Variants in CORO7 observed in about 807,000 individuals in gnomAD.
CORO7 encodes the protein coronin 7.
Under a neutral mutation model 126.6 loss-of-function variants are expected in CORO7, and 107 were observed. The observed-to-expected ratio is 0.85, with a 90% CI of 0.72 to 0.99. The LOEUF (loss-of-function observed/expected upper bound fraction) is 0.99. Among genes scored for constraint, CORO7 ranks in the 50% least tolerant of loss-of-function variants. CORO7 has a pLI of 0.00. For missense variants in CORO7, 1,314 were observed against 1,255.8 expected (o/e 1.05, Z -0.70); for synonymous variants, 603 against 536.8 (o/e 1.12, Z -1.70).
chr16:4,409,621 G>A (rs891506535), intron 3 of CORO7, among the ~76,000 whole-genome samples: 2 of 152,332 alleles, frequency 1.3e-5, no homozygotes, highest in African/African-American at 4.8e-5. Context: ...CAAGTCACGC[G>A]GCTAAGAGAC....
chr16:4,368,926 T>C (rs2054432281), intron 9 of CORO7, among the ~76,000 whole-genome samples: 1 of 152,024 alleles, frequency 6.6e-6, no homozygotes, highest in African/African-American at 2.4e-5. Context: ...TGAGGGCAAG[T>C]AGGATAGGCA....
intron 6 of CORO7, among the ~76,000 whole-genome samples, chr16:4,403,362 C>T (rs886777360): frequency 5.3e-5 from 8 of 152,154 alleles, no homozygotes; most frequent in African/African-American, 1.9e-4. Flanking sequence ...AAGGTGGCAG[C>T]CGACCCAGGG....
intron 9 of CORO7, among the ~76,000 whole-genome samples, chr16:4,366,208 C>T (rs1445833954): frequency 1.3e-5 from 2 of 152,216 alleles, no homozygotes; most frequent in Non-Finnish European, 2.9e-5. Context: ...CTGCCCCGGC[C>T]GAGCCTGCCA....
intron 9 of CORO7, chr16:4,381,141 C>G: frequency 1.9e-6 from 3 of 1,610,326 alleles, no homozygotes; most frequent in Non-Finnish European, 2.5e-6. Context: ...AGAACCAGAT[C>G]GCCAGCCTGC....
chr16:4,376,531 G>C (rs1263888169), intron 9 of CORO7, among the ~76,000 whole-genome samples: 1 of 152,172 alleles, frequency 6.6e-6, no homozygotes, highest in East Asian at 1.9e-4. Context: ...TACTCAGCAG[G>C]CACACCGCCT....
At chr16:4,369,798 T>C (rs1218362333) in intron 9 of CORO7, among the ~76,000 whole-genome samples, 1 of 152,086 alleles carries the variant, frequency 6.6e-6, no homozygotes, top group Non-Finnish European at 1.5e-5. Context: ...CTTGGATCTG[T>C]CCCTATCACC....
rs1328074033 is a variant in CORO7 at position 4,360,964 on chromosome 16, C to T, written c.1896G>A (p.Lys632=). ...CTACCTGGTCTTGGTGGCCCTGCAGCTTCAGCCGATCAGCTCCAGCCTGAA... is the reference window on the plus strand; with the variant it reads ...CTACCTGGTCTTGGTGGCCCTGCAGTTTCAGCCGATCAGCTCCAGCCTGAA... ...WDLQAGADRL[K]LQGHQDQIFS... Residue 632 remains lysine (K), a synonymous_variant, in exon 19 of 28, where the codon AAG becomes AAA. Coordinates refer to ENST00000251166, the MANE Select transcript of CORO7 (RefSeq NM_024535.5). 1.2e-6 allele frequency: 2 copies of T among 1,612,184 alleles called. No homozygotes were observed. The highest frequency in any genetic ancestry group is 1.3e-5 in the African/African-American group (1 of 75,054).
In CORO7 at chr16:4,359,621, G is replaced by C; in HGVS notation, c.2109C>G (p.Ser703Arg). The C allele has an allele frequency of 6.3e-7, 1 of 1,593,108 alleles. No homozygotes were observed. The change falls in exon 22 of 28, where the codon AGC becomes AGG. Residue 703 changes from serine (S) to arginine (R), a missense_variant and splice_region_variant. Transcript: ENST00000251166. ...GRCLLVSGFD[S>R]QSERQLLLYE... ...ATAGGAGCAGCTGGCGCTCACTTTG[G>C]CTGCAAGGGGGTTTGGGGGCTGAAG...
chr16:4,379,784 T>G (rs2054883009), intron 9 of CORO7, among the ~76,000 whole-genome samples: 1 of 150,968 alleles, frequency 6.6e-6, no homozygotes, highest in Non-Finnish European at 1.5e-5. Flanking sequence ...GGCTCATGCC[T>G]GTAATCCCAG....
At chr16:4,416,337 C>A (rs2056411067) in intron 1 of CORO7, 122 bp downstream of exon 1, 4 of 1,317,494 alleles carry the variant, frequency 3.0e-6, no homozygotes, top group East Asian at 6.2e-5. Context: ...GGGGGTTCCC[C>A]GGGGATGGAG....
At chr16:4,397,462 A>AG (rs1364347831) in intron 6 of CORO7, 3 of 151,880 alleles carry the variant, frequency 2.0e-5, no homozygotes, top group Non-Finnish European at 4.4e-5. Context: ...TAAAAAAAAA[A>AG]CAAAAAAGCT....
chr16:4,397,704 C>G lies in CORO7; in HGVS notation c.565-2365G>C, dbSNP rs145684054. Among the ~76,000 whole-genome samples, 1,141 of 152,150 alleles carry G rather than the reference C, an allele frequency of 7.5e-3. 3 individuals are homozygous for G. The highest frequency in any genetic ancestry group is 0.01 in the Non-Finnish European group (702 of 67,994). On this transcript the variant is annotated intron_variant, in intron 6 of 27. Transcript: ENST00000251166. Reference sequence around the variant, plus strand: ...TCTCGGCTCACTGCAACCTCTGCCTCCCGGGTTCAAGCGATTCTCCTGCCT... The same window carrying G: ...TCTCGGCTCACTGCAACCTCTGCCTGCCGGGTTCAAGCGATTCTCCTGCCT...
In CORO7 at chr16:4,356,962, C is replaced by T. The variant is rs912476520; in HGVS notation, c.2685+206G>A. The T allele has an allele frequency of 8.7e-6, 6 of 687,632 alleles. No homozygotes were observed. The African/African-American group carries it at 1.1e-4, about 12-fold the overall frequency. 42.6% of individuals were successfully genotyped at this position (687,632 alleles called of 1,614,324 possible). ...TAGGCTGGGTTTGGCCTGGCCAGGG[C>T]AGGGCTCCCACTGCCCTCCCCCACT... On this transcript the variant is annotated intron_variant, in intron 26 of 27. Transcript: ENST00000251166.
chr16:4,379,156 G>T (rs749191799), intron 9 of CORO7, among the ~76,000 whole-genome samples: 3 of 152,126 alleles, frequency 2.0e-5, no homozygotes, highest in Non-Finnish European at 2.9e-5. Context: ...CTGGGTCGGG[G>T]TCGTGTTCCC....
At chr16:4,412,032 C>T (rs185163134) in intron 3 of CORO7, among the ~76,000 whole-genome samples, 5 of 152,022 alleles carry the variant, frequency 3.3e-5, no homozygotes, top group East Asian at 1.9e-4. Context: ...CAGCAGAAGA[C>T]GGAGGGCTCA....
At chr16:4,411,255 T>C (rs2056197656) in intron 3 of CORO7, among the ~76,000 whole-genome samples, 1 of 151,832 alleles carries the variant, frequency 6.6e-6, no homozygotes, top group African/African-American at 2.4e-5. Flanking sequence ...GCTGGAGGGG[T>C]GGTGGCATAA....
At chr16:4,385,834 C>G (rs1419162958) in intron 9 of CORO7, among the ~76,000 whole-genome samples, 1 of 152,346 alleles carries the variant, frequency 6.6e-6, no homozygotes, top group African/African-American at 2.4e-5. Context: ...CTGGCCTCCT[C>G]TAGCTCTCAT....
In CORO7 at chr16:4,361,455, G is replaced by T; in HGVS notation, c.1593C>A (p.Gly531=). The T allele has an allele frequency of 1.9e-6, 3 of 1,611,842 alleles. No individual in the cohort carries two copies. The highest frequency in any genetic ancestry group is 2.5e-6 in the Non-Finnish European group (3 of 1,179,774). ...TGGGCAGTGCCGTGTCGGGCAGGCG[G>T]CCAGGCTTCCGTAGCTGTGGGAGGT... ...QVAVLELRKP[G]RLPDTALPTL... The change falls in exon 17 of 28, where the codon GGC becomes GGA. Residue 531 remains glycine, a synonymous_variant. Coordinates refer to ENST00000251166, the MANE Select transcript of CORO7 (RefSeq NM_024535.5).
At chr16:4,402,900 G>C (rs946225469) in intron 6 of CORO7, among the ~76,000 whole-genome samples, 4 of 152,184 alleles carry the variant, frequency 2.6e-5, no homozygotes, top group Non-Finnish European at 5.9e-5. Flanking sequence ...CACCCAGTGG[G>C]AGTAGCTGAG....
Sources: allele counts gnomAD v4.1 joint callset (sites outside exome capture counted in the v4.1 genomes callset), GRCh38; gene constraint gnomAD v4.1.1; transcripts MANE v1.5; gene names NCBI Gene and HGNC (gene_info 2026-07-23, HGNC 2026-07-21).